TMEM178B: variants seen among roughly 807,000 people sequenced by gnomAD.
TMEM178B encodes the protein transmembrane protein 178B.
TMEM178B carries 5 observed loss-of-function variants against 31.0 expected under a neutral mutation model. The ratio of observed to expected loss-of-function variants is 0.16; its 90% confidence interval spans 0.08 to 0.34. The LOEUF (loss-of-function observed/expected upper bound fraction) is 0.34, where lower values mean the gene tolerates loss of function less well. Among genes scored for constraint, TMEM178B ranks in the 10% least tolerant of loss-of-function variants. TMEM178B has a pLI of 1.00. For missense variants in TMEM178B, 275 were observed against 400.3 expected, an observed-to-expected ratio of 0.69 and a Z score of 2.67; for synonymous variants, 164 against 164.0, an observed-to-expected ratio of 1.00 and a Z score of 0.00.
intron 3 of TMEM178B, among the ~76,000 whole-genome samples, chr7:141,448,091 G>A (rs537741444): frequency 1.2e-3 from 180 of 151,796 alleles, no homozygotes; most frequent in Non-Finnish European, 4.9e-4. Flanking sequence ...TAAGACCACC[G>A]CTTGCCTTTG....
chr7:141,280,780 G>A (rs898184035), intron 2 of TMEM178B, among the ~76,000 whole-genome samples: 1 of 151,532 alleles, frequency 6.6e-6, no homozygotes, highest in Non-Finnish European at 1.5e-5. Context: ...TCTGGGGTGA[G>A]ACCTGGAACT....
At chr7:141,293,364 G>T (rs912817313) in intron 2 of TMEM178B, among the ~76,000 whole-genome samples, 29 of 152,154 alleles carry the variant, frequency 1.9e-4, no homozygotes, top group Non-Finnish European at 4.4e-5. Flanking sequence ...ATGGTCTTTG[G>T]CATTCCTTTC....
rs146822555 is a variant in TMEM178B at position 141,351,672 on chromosome 7, G to A, written c.497-85936G>A. Among the ~76,000 whole-genome samples the A allele has an allele frequency of 2.3e-4, 35 of 152,248 alleles. No individual in the cohort carries two copies. The East Asian group carries it at 6.6e-3, about 29-fold the overall frequency. On this transcript the variant is annotated intron_variant, in intron 2 of 3. Coordinates refer to ENST00000565468, the MANE Select transcript of TMEM178B (RefSeq NM_001195278.2). ...TTTGCTCAGAATCTTCCCAAAGGCT[G>A]ATACCATTTTACATCAATCTGAATG...
intron 1 of TMEM178B, among the ~76,000 whole-genome samples, chr7:141,195,737 A>G (rs888522197): frequency 6.6e-6 from 1 of 152,194 alleles, no homozygotes; most frequent in Admixed American, 6.5e-5. Context: ...CACACTGCTG[A>G]TAAAGACATA....
At chr7:141,273,480 A>G (rs1255400647) in intron 2 of TMEM178B, among the ~76,000 whole-genome samples, 2 of 152,254 alleles carry the variant, frequency 1.3e-5, no homozygotes. Flanking sequence ...CTTGGAATAT[A>G]AGAAGCGAGT....
At position 141,318,619 on chromosome 7, in the gene TMEM178B, T is replaced by C. The variant is rs567696579; in HGVS notation, c.496+105915T>C. 1.8e-3 allele frequency among the ~76,000 whole-genome samples: 274 copies of C among 152,330 alleles called. 2 individuals are homozygous for C. The highest frequency in any genetic ancestry group is 6.2e-3 in the African/African-American group (256 of 41,582). Reference sequence around the variant, plus strand: ...CGTGCTGTGTTGCCCAGTTGTTTGATAGCTAAACCTATGCCACCCCTTCAG... The same window carrying C: ...CGTGCTGTGTTGCCCAGTTGTTTGACAGCTAAACCTATGCCACCCCTTCAG... On this transcript the variant is annotated intron_variant, in intron 2 of 3. Coordinates refer to ENST00000565468, the MANE Select transcript of TMEM178B (RefSeq NM_001195278.2). The surrounding 1 kb of genome is among the most constrained non-coding windows in gnomAD (Gnocchi z 4.1).
At chr7:141,187,308 A>T (rs544477080) in intron 1 of TMEM178B, among the ~76,000 whole-genome samples, 1 of 151,846 alleles carries the variant, frequency 6.6e-6, no homozygotes, top group Admixed American at 6.6e-5. Context: ...TCCATGGTGT[A>T]TATGTGCCAC....
intron 2 of TMEM178B, among the ~76,000 whole-genome samples, chr7:141,249,099 A>G (rs1247877586): frequency 1.3e-5 from 2 of 152,174 alleles, no homozygotes; most frequent in African/African-American, 2.4e-5. Context: ...AGTGACTGAT[A>G]TGGTTTGACT....
In TMEM178B at chr7:141,074,595, C is replaced by T. The variant is rs1794566616; in HGVS notation, c.285C>T (p.Asp95=). 12 of 1,535,852 alleles carry T rather than the reference C, an allele frequency of 7.8e-6. No individual in the cohort carries two copies. The highest frequency in any genetic ancestry group is 1.0e-5 in the Non-Finnish European group (12 of 1,146,738). The change falls in exon 1 of 4, where the codon GAC becomes GAT. Residue 95 remains aspartate (D), a synonymous_variant. Transcript: ENST00000565468. This position sits in a 1 kb window ranked among gnomAD's most constrained non-coding sequence, Gnocchi z 5.1. ...RRQLFAMSPA[D]ECSRQYNSTN... ...AGCTGTTCGCCATGAGCCCCGCGGA[C>T]GAGTGCAGCCGGCAGTACAACTCCA...
rs139117064 is a variant in TMEM178B at position 141,463,043 on chromosome 7, G to C, written c.635-7493G>C. Among the ~76,000 whole-genome samples, 743 of 152,274 alleles carry C rather than the reference G, an allele frequency of 4.9e-3. 9 individuals carry two copies. Among genetic ancestry groups the C allele is most frequent in the African/African-American group, 0.017 (721 of 41,542 alleles). On this transcript the variant is annotated intron_variant, in intron 3 of 3. Transcript: ENST00000565468. ...ACACTGGAGCTCAGGGGTCTGCAGGGTGCTGCTGCTTATGTGTCAGCAGGT... is the reference window on the plus strand; with the variant it reads ...ACACTGGAGCTCAGGGGTCTGCAGGCTGCTGCTGCTTATGTGTCAGCAGGT...
At chr7:141,279,834 A>T (rs217002) in intron 2 of TMEM178B, among the ~76,000 whole-genome samples, 1 of 152,136 alleles carries the variant, frequency 6.6e-6, no homozygotes. Flanking sequence ...GTGGATTCCC[A>T]TTGCATACCT....
At chr7:141,404,149 C>T (rs1042875382) in intron 2 of TMEM178B, among the ~76,000 whole-genome samples, 2 of 152,016 alleles carry the variant, frequency 1.3e-5, no homozygotes, top group Non-Finnish European at 2.9e-5. Flanking sequence ...ACTAAAAATA[C>T]AAAATATTAG....
intron 2 of TMEM178B, among the ~76,000 whole-genome samples, chr7:141,268,445 A>T (rs1038356551): frequency 1.3e-5 from 2 of 152,284 alleles, no homozygotes; most frequent in Admixed American, 1.3e-4. Flanking sequence ...CATACACATC[A>T]ATTTGTGAGG....
intron 2 of TMEM178B, among the ~76,000 whole-genome samples, chr7:141,432,907 T>A (rs1024139153): frequency 1.3e-5 from 2 of 152,190 alleles, no homozygotes; most frequent in East Asian, 3.9e-4. Context: ...ACTGCTAGTG[T>A]CTGTAGGTCT....
At chr7:141,383,077 C>T (rs558917094) in intron 2 of TMEM178B, among the ~76,000 whole-genome samples, 61 of 152,274 alleles carry the variant, frequency 4.0e-4, no homozygotes, top group Non-Finnish European at 4.3e-4. Context: ...TGCAGCCCAA[C>T]CTTTACTTCC....
chr7:141,385,577 C>T (rs1800416992), intron 2 of TMEM178B, among the ~76,000 whole-genome samples: 2 of 152,348 alleles, frequency 1.3e-5, no homozygotes, highest in South Asian at 4.1e-4. Flanking sequence ...CATTAATGCT[C>T]ACCGAAATAT....
At chr7:141,308,608 T>C (rs985716893) in intron 2 of TMEM178B, among the ~76,000 whole-genome samples, 1 of 152,196 alleles carries the variant, frequency 6.6e-6, no homozygotes, top group Non-Finnish European at 1.5e-5. Context: ...AACAGATACA[T>C]GTGGGGCTGC....
At position 141,379,542 on chromosome 7, in the gene TMEM178B, A is replaced by G. The variant is rs1800278053; in HGVS notation, c.497-58066A>G. ...CAGCAGGTTCATGAGAAGCAAAACC[A>G]AAGCAGTCACATTATCTTCAAAACA... On this transcript the variant is annotated intron_variant, in intron 2 of 3. Coordinates refer to ENST00000565468, the MANE Select transcript of TMEM178B (RefSeq NM_001195278.2). Among the ~76,000 whole-genome samples, 4 of 152,202 alleles carry G rather than the reference A, an allele frequency of 2.6e-5. No homozygotes were observed. The East Asian group carries it at 5.8e-4, about 22-fold the overall frequency.
At chr7:141,491,630 GTCTC>G in the TMEM178B span, among the ~76,000 whole-genome samples, 164 of 152,102 alleles carry the variant, frequency 1.1e-3, 1 homozygote, top group Middle Eastern at 6.8e-3. Context: ...TACATTAATT[GTCTC>G]TCTCAATCTC....
Sources: gnomAD v4.1 joint callset for allele counts (sites outside exome capture counted in the v4.1 genomes callset) on GRCh38, gnomAD v4.1.1 for gene constraint, Gnocchi (gnomAD v3.1) non-coding constraint, MANE v1.5 for transcripts, NCBI Gene and HGNC (gene_info 2026-07-23, HGNC 2026-07-21) for gene names.